STIM2: variants seen among roughly 807,000 people sequenced by gnomAD.
The protein encoded by STIM2 is stromal interaction molecule 2.
A neutral mutation model predicts 85.8 loss-of-function variants in STIM2; 31 were observed. The ratio of observed to expected loss-of-function variants is 0.36; its 90% CI spans 0.27 to 0.49. The LOEUF is 0.49. Ranked by LOEUF, STIM2 falls within the 20% of genes least tolerant of loss-of-function variation. The pLI is 0.98. For missense variants in STIM2, 841 were observed against 927.6 expected, an observed-to-expected ratio of 0.91 and a Z score of 1.21; for synonymous variants, 356 against 331.1, an observed-to-expected ratio of 1.08 and a Z score of -0.82.
intron 2 of STIM2, among the ~76,000 whole-genome samples, chr4:26,943,191 T>TC (rs1725683117): frequency 6.6e-6 from 1 of 152,080 alleles, no homozygotes; most frequent in African/African-American, 2.4e-5. Context: ...TCCTTTTTTT[T>TC]CATTAATTGG....
Position 26,861,275 on chromosome 4 carries a change from C to A in STIM2, c.57C>A (p.Pro19=), listed in dbSNP as rs748144774. The A allele has an allele frequency of 2.3e-5, 33 of 1,463,694 alleles. No homozygotes were observed. Among genetic ancestry groups the A allele is most frequent in the Non-Finnish European group, 2.8e-5 (31 of 1,112,626 alleles). The allele number at this position is 1,463,694 out of a possible 1,614,324, so 90.7% of individuals were successfully genotyped here. A position where few individuals can be genotyped will look rare whatever the true frequency, so the allele number is the denominator to read the frequency against. The stretch of plus-strand genomic sequence containing the variant: ...CGGCGGACGGATGCGAGCTTGTGCC[C>A]CGGCACCTCCGCGGGCGGCGGGCGA... The change falls in exon 1 of 12, where the codon CCC becomes CCA. Residue 19 remains proline, a synonymous_variant. Transcript: ENST00000467087.
At chr4:26,992,662 C>T (rs1158535631) in intron 3 of STIM2, among the ~76,000 whole-genome samples, 5 of 152,082 alleles carry the variant, frequency 3.3e-5, no homozygotes, top group African/African-American at 1.2e-4. Flanking sequence ...TTATACTCAG[C>T]AAACAGCACG....
intron 2 of STIM2, among the ~76,000 whole-genome samples, chr4:26,945,414 A>G (rs1577454404): frequency 6.6e-6 from 1 of 152,234 alleles, no homozygotes; most frequent in East Asian, 1.9e-4. Flanking sequence ...ATACATATGC[A>G]TGTGTCTTTA....
At chr4:27,000,262 T>C (rs1004139958) in intron 5 of STIM2, among the ~76,000 whole-genome samples, 1 of 152,174 alleles carries the variant, frequency 6.6e-6, no homozygotes, top group Non-Finnish European at 1.5e-5. Context: ...CTGGTGGTTC[T>C]TTTTTGGCTT....
In STIM2 at chr4:26,919,519, T is replaced by G; in HGVS notation, c.167T>G (p.Leu56Arg). The G allele has an allele frequency of 6.2e-7, 1 of 1,613,538 alleles. No individual in the cohort carries two copies. The highest frequency in any genetic ancestry group is 1.7e-5 in the Admixed American group (1 of 59,982). The change falls in exon 2 of 12, where the codon CTG becomes CGG. Residue 56 changes from leucine (L) to arginine (R), a missense_variant. Physicochemically the swap from Leu to Arg is moderately radical, Grantham distance 102. Around this residue, in one of 3 missense-constraint regions of STIM2, gnomAD observed 140 missense variants for 117.7 expected, o/e 1.19. Coordinates refer to ENST00000467087, the MANE Select transcript of STIM2 (RefSeq NM_020860.4). The stretch of plus-strand genomic sequence containing the variant: ...TCTCTTTCAGATCCCTGCATGTCAC[T>G]GAGTCCACCATGCTTTACAGAAGAA...
chr4:26,932,247 T>C (rs1478786211), intron 2 of STIM2, among the ~76,000 whole-genome samples: 1 of 152,258 alleles, frequency 6.6e-6, no homozygotes, highest in African/African-American at 2.4e-5. Flanking sequence ...TGTTTCTCTG[T>C]GTTAATGTAG....
chr4:26,978,301 A>T (rs888899815), intron 3 of STIM2, among the ~76,000 whole-genome samples: 13 of 148,236 alleles, frequency 8.8e-5, no homozygotes, highest in African/African-American at 3.2e-4. Context: ...ATGAAAATAT[A>T]AATCTATATA....
intron 2 of STIM2, among the ~76,000 whole-genome samples, chr4:26,933,922 A>T (rs568429216): frequency 6.6e-6 from 1 of 152,282 alleles, no homozygotes; most frequent in East Asian, 1.9e-4. Context: ...GGCTGGGTGC[A>T]TTGGCTCACG....
In STIM2 at chr4:26,949,247, A is replaced by G. The variant is rs1034024359; in HGVS notation, c.283-8365A>G. ...TATTCTCTGAATGCTGAGTGCCACA[A>G]AGCTTTCTCATAATTATCAATGTCT... is the stretch of plus-strand genomic sequence containing the variant. On this transcript the variant is annotated intron_variant, in intron 2 of 11. Coordinates refer to ENST00000467087, the MANE Select transcript of STIM2 (RefSeq NM_020860.4). Among the ~76,000 whole-genome samples the G allele has an allele frequency of 2.6e-5, 4 of 152,244 alleles. 1 individual carries two copies. In the South Asian group the frequency reaches 8.3e-4, roughly 32 times the overall value.
intron 5 of STIM2, among the ~76,000 whole-genome samples, chr4:26,999,958 A>G (rs533359559): frequency 6.0e-4 from 92 of 152,224 alleles, no homozygotes; most frequent in Non-Finnish European, 1.1e-3. Flanking sequence ...TTTCCCCAGA[A>G]GAGAAATTTA....
chr4:26,873,350 G>A (rs1411055065), intron 1 of STIM2, among the ~76,000 whole-genome samples: 3 of 151,748 alleles, frequency 2.0e-5, no homozygotes, highest in East Asian at 1.9e-4. Flanking sequence ...AGCTGAGATC[G>A]TGCCATTGCA....
chr4:26,885,782 G>T (rs901853704), intron 1 of STIM2, among the ~76,000 whole-genome samples: 7 of 133,002 alleles, frequency 5.3e-5, no homozygotes, highest in East Asian at 2.3e-4. Flanking sequence ...TTCAGTGCTA[G>T]TTGTATTATG....
At chr4:26,985,063 C>T (rs1392785715) in intron 3 of STIM2, among the ~76,000 whole-genome samples, 1 of 152,166 alleles carries the variant, frequency 6.6e-6, no homozygotes, top group Non-Finnish European at 1.5e-5. Context: ...ACATGCCCTG[C>T]TGACCACTGT....
intron 3 of STIM2, among the ~76,000 whole-genome samples, chr4:26,989,407 G>T (rs747002184): frequency 9.2e-5 from 14 of 152,242 alleles, no homozygotes; most frequent in Non-Finnish European, 1.0e-4. Context: ...AATAAATTCA[G>T]CATCCCTTCA....
chr4:26,911,463 G>A (rs1724335799), intron 1 of STIM2, among the ~76,000 whole-genome samples: 1 of 152,088 alleles, frequency 6.6e-6, no homozygotes, highest in Non-Finnish European at 1.5e-5. Flanking sequence ...CAGTCAGAAG[G>A]AGTTTTCACC....
chr4:26,864,261 T>G (rs1722316091), intron 1 of STIM2, among the ~76,000 whole-genome samples: 1 of 152,136 alleles, frequency 6.6e-6, no homozygotes, highest in Non-Finnish European at 1.5e-5. Context: ...ACAGCGCTTA[T>G]ATATTTAGGG....
intron 2 of STIM2, among the ~76,000 whole-genome samples, chr4:26,933,813 T>G (rs1004695694): frequency 4.6e-5 from 7 of 151,678 alleles, no homozygotes; most frequent in African/African-American, 1.7e-4. Flanking sequence ...AATAAATAGC[T>G]GTATATAAGT....
chr4:26,912,016 C>A lies in STIM2; in HGVS notation c.152-7488C>A, dbSNP rs146349743. On this transcript the variant is annotated intron_variant, in intron 1 of 11. Transcript: ENST00000467087. ...CTTTCCTTTTGAGTTTGAATCAGGT[C>A]TTTGATATATTGAAAAATGACACCT... Among the ~76,000 whole-genome samples, 728 of 152,152 alleles carry A rather than the reference C, an allele frequency of 4.8e-3. 7 individuals are homozygous for A. Among genetic ancestry groups the A allele is most frequent in the African/African-American group, 0.017 (697 of 41,480 alleles).
At chr4:26,884,200 A>G (rs563381888) in intron 1 of STIM2, among the ~76,000 whole-genome samples, 4 of 152,162 alleles carry the variant, frequency 2.6e-5, no homozygotes, top group Non-Finnish European at 5.9e-5. Flanking sequence ...TCGATGTGGG[A>G]GACTGTGTGT....
Sources: allele counts gnomAD v4.1 joint callset (sites outside exome capture counted in the v4.1 genomes callset), GRCh38; gene constraint gnomAD v4.1.1; regional missense constraint gnomAD v4.1.1; transcripts MANE v1.5; gene names NCBI Gene and HGNC (gene_info 2026-07-23, HGNC 2026-07-21).